KPNA7: variants seen among roughly 807,000 people sequenced by gnomAD.
KPNA7 encodes the protein karyopherin subunit alpha 7.
Under a neutral mutation model 53.7 loss-of-function variants are expected in KPNA7, and 54 were observed. The ratio of observed to expected loss-of-function variants is 1.01; its 90% CI spans 0.81 to 1.26. The LOEUF is 1.26. KPNA7 is among the 50% of genes most tolerant of loss of function. The probability of loss-of-function intolerance (pLI) is 0.00; values close to 1 mark genes in which losing one functional copy is unlikely to be tolerated. For synonymous variants in KPNA7, 276 were observed against 259.3 expected (o/e 1.06, Z -0.62); for missense variants, 640 against 644.5 (o/e 0.99, Z 0.07).
At chr7:99,215,544 G>A (rs952887106) in intron 1 of KPNA7, among the ~76,000 whole-genome samples, 73 of 151,998 alleles carry the variant, frequency 4.8e-4, no homozygotes, top group Non-Finnish European at 8.7e-4. Context: ...AGATCACTTC[G>A]TGTAGGGACA....
chr7:99,193,230 T>C, intron 5 of KPNA7, 129 bp from the exon 6 acceptor site: 2 of 530,430 alleles, frequency 3.8e-6, no homozygotes, highest in Non-Finnish European at 3.2e-6. Flanking sequence ...AAGTAGGTAG[T>C]AGAGCCACGT....
At chr7:99,204,908 A>T (rs1340646502) in intron 2 of KPNA7, among the ~76,000 whole-genome samples, 1 of 152,142 alleles carries the variant, frequency 6.6e-6, no homozygotes, top group Non-Finnish European at 1.5e-5. Flanking sequence ...ATTATATGGC[A>T]AGGTAGGAAC....
chr7:99,185,221 A>G (rs1789520558), intron 7 of KPNA7, 59 bp from the exon 8 acceptor site: 2 of 1,209,122 alleles, frequency 1.7e-6, no homozygotes, highest in Non-Finnish European at 2.4e-6. Flanking sequence ...GAAGGCAACA[A>G]TCACACCAAG....
At chr7:99,150,658 C>T in the KPNA7 span, among the ~76,000 whole-genome samples, 9 of 152,040 alleles carry the variant, frequency 5.9e-5, no homozygotes, top group African/African-American at 9.7e-5. Flanking sequence ...TCAAGTGATC[C>T]GCCAGCCTCA....
rs56410160 is a variant in KPNA7 at position 99,180,665 on chromosome 7, C to CTG, written c.1317+1216_1317+1217dup. Among the ~76,000 whole-genome samples the CTG allele has an allele frequency of 3.7e-5, 3 of 80,970 alleles. 1 individual carries two copies. Among genetic ancestry groups the CTG allele is most frequent in the Non-Finnish European group, 8.9e-5 (3 of 33,574 alleles). 53.1% of individuals were successfully genotyped at this position (80,970 alleles called of 152,430 possible). A position where few individuals can be genotyped will look rare whatever the true frequency, so the allele number is the denominator to read the frequency against. Reference sequence around the variant, plus strand: ...TCCGTCTCTGTCTCTCTCTCCCCATCTGTGTGTGTGTCTCTCTCCCCGTCT... The same window carrying CTG: ...TCCGTCTCTGTCTCTCTCTCCCCATCTGTGTGTGTGTGTCTCTCTCCCCGTCT... On this transcript the variant is annotated intron_variant, in intron 9 of 10. Coordinates refer to ENST00000327442, the MANE Select transcript of KPNA7 (RefSeq NM_001145715.3).
At chr7:99,163,383 A>ATATATTT in the KPNA7 span, among the ~76,000 whole-genome samples, 4 of 40,808 alleles carry the variant, frequency 9.8e-5, no homozygotes, top group African/African-American at 1.9e-4. Context: ...ATATATATAT[A>ATATATTT]TTTTTTTTTT....
the KPNA7 span, among the ~76,000 whole-genome samples, chr7:99,156,528 CT>C: frequency 1.3e-4 from 19 of 151,392 alleles, 1 homozygote; most frequent in South Asian, 1.7e-3. Flanking sequence ...AATTCTGATA[CT>C]TTTTTTTTGT....
the KPNA7 span, among the ~76,000 whole-genome samples, chr7:99,157,327 A>G: frequency 6.6e-6 from 1 of 152,164 alleles, no homozygotes; most frequent in Admixed American, 6.6e-5. Context: ...CTCCTGCCTC[A>G]GTCTCCTGAG....
chr7:99,215,545 T>G (rs984144326), intron 1 of KPNA7, among the ~76,000 whole-genome samples: 1 of 151,998 alleles, frequency 6.6e-6, no homozygotes, highest in African/African-American at 2.4e-5. Flanking sequence ...GATCACTTCG[T>G]GTAGGGACAT....
chr7:99,175,589 C>T (rs748108759), intron 10 of KPNA7, among the ~76,000 whole-genome samples: 7 of 151,900 alleles, frequency 4.6e-5, no homozygotes, highest in Non-Finnish European at 7.4e-5. Context: ...CATCTTGGCT[C>T]ACTGCAACCT....
chr7:99,218,001 C>A (rs1791256492), intron 1 of KPNA7, among the ~76,000 whole-genome samples: 1 of 151,946 alleles, frequency 6.6e-6, no homozygotes, highest in African/African-American at 2.4e-5. Context: ...GGATTCCAGA[C>A]TTCAGTTTCA....
At chr7:99,197,611 A>G (rs570387941) in intron 3 of KPNA7, among the ~76,000 whole-genome samples, 3 of 152,256 alleles carry the variant, frequency 2.0e-5, no homozygotes, top group Admixed American at 6.5e-5. Context: ...TAAATAGAGA[A>G]TATCAGTGAA....
chr7:99,209,181 C>T (rs919637993), upstream of KPNA7, among the ~76,000 whole-genome samples: 1 of 151,720 alleles, frequency 6.6e-6, no homozygotes, highest in Non-Finnish European at 1.5e-5. Context: ...GGCTTTCACA[C>T]GGTGTGTCTG....
intron 9 of KPNA7, among the ~76,000 whole-genome samples, chr7:99,179,865 T>C (rs1799087069): frequency 6.6e-6 from 1 of 151,912 alleles, no homozygotes. Context: ...TAAGCCACCA[T>C]GCCCAGCCAA....
intron 7 of KPNA7, among the ~76,000 whole-genome samples, chr7:99,187,444 C>T (rs1484349889): frequency 3.3e-5 from 5 of 151,788 alleles, no homozygotes; most frequent in Non-Finnish European, 5.9e-5. Flanking sequence ...GGCTGGAGTA[C>T]AGTGTGCCAT....
chr7:99,147,703 A>T, the KPNA7 span, among the ~76,000 whole-genome samples: 1 of 152,136 alleles, frequency 6.6e-6, no homozygotes, highest in East Asian at 1.9e-4. Flanking sequence ...AGGCAGGAGA[A>T]TCTCTTGAAC....
At chr7:99,201,128 A>G (rs1281828908) in intron 3 of KPNA7, among the ~76,000 whole-genome samples, 1 of 152,220 alleles carries the variant, frequency 6.6e-6, no homozygotes, top group Admixed American at 6.5e-5. Flanking sequence ...TTGCATTTCT[A>G]GGGAATGTCT....
chr7:99,203,259 T>A lies in KPNA7; in HGVS notation c.67-19A>T. 1.3e-6 allele frequency: 2 copies of A among 1,548,258 alleles called. No individual in the cohort carries two copies. Among genetic ancestry groups the A allele is most frequent in the Non-Finnish European group, 8.7e-7 (1 of 1,144,090 alleles). ...GCCTCAGCTAGTGAGGAAAAGAAAT[T>A]GGAGCATTTAGAACCAGGAGTGGGG... On this transcript the variant is annotated intron_variant, in intron 2 of 10. Transcript: ENST00000327442.
downstream of KPNA7, among the ~76,000 whole-genome samples, chr7:99,173,081 A>AAG (rs1584253503): frequency 2.0e-5 from 3 of 148,278 alleles, no homozygotes; most frequent in Non-Finnish European, 4.5e-5. Flanking sequence ...AAAAAAAAAA[A>AAG]AAAGAAAAAG....
Sources: allele counts gnomAD v4.1 joint callset (sites outside exome capture counted in the v4.1 genomes callset), GRCh38; gene constraint gnomAD v4.1.1; transcripts MANE v1.5; gene names NCBI Gene and HGNC (gene_info 2026-07-23, HGNC 2026-07-21).